ANO3: variants seen among roughly 807,000 people sequenced by gnomAD.
ANO3 encodes anoctamin-3.
Under a neutral mutation model 144.8 loss-of-function variants are expected in ANO3, and 99 were observed. The ratio of observed to expected loss-of-function variants is 0.68; its 90% CI spans 0.58 to 0.81. The LOEUF (loss-of-function observed/expected upper bound fraction) is 0.81, where lower values mean the gene tolerates loss of function less well. Ranked by LOEUF, ANO3 falls within the 30% of genes least tolerant of loss-of-function variation. The probability of loss-of-function intolerance (pLI) is 0.00; values close to 1 mark genes in which losing one functional copy is unlikely to be tolerated. For missense variants in ANO3, 905 were observed against 1,202.2 expected, an observed-to-expected ratio of 0.75 and a Z score of 3.66; for synonymous variants, 414 against 392.6, an observed-to-expected ratio of 1.05 and a Z score of -0.64.
At chr11:26,351,528 A>G (rs1286234521) in intron 1 of ANO3, among the ~76,000 whole-genome samples, 1 of 152,192 alleles carries the variant, frequency 6.6e-6, no homozygotes, top group Non-Finnish European at 1.5e-5. Flanking sequence ...CCTTGCTCCT[A>G]TAACTTAATT....
At position 26,397,350 on chromosome 11, in the gene ANO3, T is replaced by A. The variant is rs576812120; in HGVS notation, c.47-44568T>A. On this transcript the variant is annotated intron_variant, in intron 1 of 26. Coordinates refer to ENST00000256737, the MANE Select transcript of ANO3 (RefSeq NM_031418.4). The stretch of plus-strand genomic sequence containing the variant: ...AGGCTTTAGAAGTTTTCAACTGGTA[T>A]TATAATGTTTTATTTTTAGCTTGCT... Among the ~76,000 whole-genome samples, 4 of 152,220 alleles carry A rather than the reference T, an allele frequency of 2.6e-5. No individual in the cohort carries two copies. In the South Asian group the frequency reaches 8.3e-4, roughly 32 times the overall value.
intron 1 of ANO3, among the ~76,000 whole-genome samples, chr11:26,338,115 TAA>T (rs5790570): frequency 0.055 from 7,967 of 145,042 alleles, 531 homozygotes; most frequent in African/African-American, 0.16. Flanking sequence ...GAATGATAAT[TAA>T]AAAAAAAAAA....
At chr11:26,570,116 T>C (rs61877056) in intron 14 of ANO3, among the ~76,000 whole-genome samples, 4,810 of 152,224 alleles carry the variant, frequency 0.032, 110 homozygotes, top group Non-Finnish European at 0.051. Context: ...TTCTAAACTT[T>C]CCTGTATATA....
chr11:26,360,385 TAGAG>T lies in ANO3; in HGVS notation c.46+28066_46+28069del, dbSNP rs1220025105. Among the ~76,000 whole-genome samples, 26 of 152,188 alleles carry T rather than the reference TAGAG, an allele frequency of 1.7e-4. No individual in the cohort carries two copies. The South Asian group carries it at 2.3e-3, about 13-fold the overall frequency. Reference sequence around the variant, plus strand: ...TGTACTTCCCTGCAGCGTGATCAGATAGAGATTTTTAAAAATTCCCTTGCTAAGA... The same window carrying T: ...TGTACTTCCCTGCAGCGTGATCAGATATTTTTAAAAATTCCCTTGCTAAGA... On this transcript the variant is annotated intron_variant, in intron 1 of 26. Coordinates refer to ENST00000256737, the MANE Select transcript of ANO3 (RefSeq NM_031418.4).
chr11:26,534,580 T>C lies in ANO3; in HGVS notation c.976+18T>C. 1.3e-6 allele frequency: 2 copies of C among 1,536,684 alleles called. No individual in the cohort carries two copies. Among genetic ancestry groups the C allele is most frequent in the Non-Finnish European group, 1.8e-6 (2 of 1,111,236 alleles). On this transcript the variant is annotated intron_variant, in intron 9 of 26. Transcript: ENST00000256737. ...AAAAGTGGGTAAGAACATTAATTAA[T>C]AACAGAGTAGAACTTGCTGTTACTA...
chr11:26,202,323 C>T (rs561395722), intron 1 of ANO3, among the ~76,000 whole-genome samples: 4 of 143,050 alleles, frequency 2.8e-5, no homozygotes, highest in South Asian at 2.1e-4. Context: ...CATATAGATA[C>T]ATATGATATA....
At chr11:26,463,355 A>G (rs527725619) in intron 4 of ANO3, among the ~76,000 whole-genome samples, 2 of 152,026 alleles carry the variant, frequency 1.3e-5, no homozygotes, top group South Asian at 2.1e-4. Context: ...CTCAAACAGA[A>G]TGTTTAAAAT....
chr11:26,345,481 G>A (rs10834965), intron 1 of ANO3, among the ~76,000 whole-genome samples: 39,344 of 152,134 alleles, frequency 0.26, 6,185 homozygotes, highest in Admixed American at 0.41. Flanking sequence ...TGAATCCAGA[G>A]GCAGCAGTTG....
chr11:26,321,796 T>C (rs1590258857), intron 1 of ANO3, among the ~76,000 whole-genome samples: 2 of 152,132 alleles, frequency 1.3e-5, no homozygotes, highest in South Asian at 2.1e-4. Flanking sequence ...AATTCCTTAG[T>C]GGTCAGGAAT....
intron 1 of ANO3, among the ~76,000 whole-genome samples, chr11:26,194,688 C>T (rs536795406): frequency 1.3e-5 from 2 of 151,752 alleles, no homozygotes; most frequent in Admixed American, 6.6e-5. Context: ...TTAGTAGAAA[C>T]GAGGTTTCTC....
At chr11:26,225,952 C>A (rs1205519402) in intron 1 of ANO3, among the ~76,000 whole-genome samples, 1 of 152,078 alleles carries the variant, frequency 6.6e-6, no homozygotes, top group Non-Finnish European at 1.5e-5. Flanking sequence ...GTAGAAGCCA[C>A]TGAATGGTTT....
chr11:26,402,368 A>C (rs1468852681), intron 1 of ANO3, among the ~76,000 whole-genome samples: 1 of 151,780 alleles, frequency 6.6e-6, no homozygotes, highest in Non-Finnish European at 1.5e-5. Flanking sequence ...TGTGGTTTTG[A>C]TTTGCATTTC....
At chr11:26,279,940 T>A (rs1165749336) in intron 1 of ANO3, among the ~76,000 whole-genome samples, 1 of 152,224 alleles carries the variant, frequency 6.6e-6, no homozygotes, top group East Asian at 1.9e-4. Flanking sequence ...TGGATTAGTG[T>A]AAATCTTTGG....
chr11:26,425,380 C>T (rs537718284), intron 1 of ANO3, among the ~76,000 whole-genome samples: 30 of 152,058 alleles, frequency 2.0e-4, no homozygotes, highest in African/African-American at 7.0e-4. Flanking sequence ...GCTTGCACTT[C>T]GGTATCTCTG....
intron 4 of ANO3, among the ~76,000 whole-genome samples, chr11:26,481,969 T>C (rs1321180588): frequency 1.3e-5 from 2 of 152,132 alleles, no homozygotes; most frequent in Admixed American, 6.5e-5. Context: ...CATGGCTCAC[T>C]GCAGCCTCGA....
rs145676100 is a variant in ANO3, at chr11:26,223,947, T to C, written c.154+34617T>C. 3.6e-4 allele frequency among the ~76,000 whole-genome samples: 55 copies of C among 152,304 alleles called. No homozygotes were observed. The East Asian group carries it at 0.01, about 29-fold the overall frequency. ...TGACCAAAACACCTCTCACTAGGCT[T>C]ACCTCCAACATTGGAGGTCACATTT... On this transcript the variant is annotated intron_variant, in intron 1 of 27. Coordinates refer to the ANO3 transcript ENST00000672621.
chr11:26,372,767 C>A (rs1375588729), intron 1 of ANO3, among the ~76,000 whole-genome samples: 1 of 151,812 alleles, frequency 6.6e-6, no homozygotes, highest in African/African-American at 2.4e-5. Flanking sequence ...TGATTGGTGC[C>A]AAAGACATAA....
In ANO3 at chr11:26,495,761, C is replaced by CT. The variant is rs1344887773; in HGVS notation, c.433-12339dup. Among the ~76,000 whole-genome samples the CT allele has an allele frequency of 3.3e-5, 5 of 152,280 alleles. No homozygotes were observed. In the East Asian group the frequency reaches 9.7e-4, roughly 30 times the overall value. ...GTAAGGAACACAGCCTAGGGCTCAT[C>CT]TTTTCTGTGGAAGCCAATACATTTA... On this transcript the variant is annotated intron_variant, in intron 4 of 26. Coordinates refer to ENST00000256737, the MANE Select transcript of ANO3 (RefSeq NM_031418.4).
intron 8 of ANO3, 24 bp downstream of exon 8, chr11:26,531,360 C>T (rs763379798): frequency 1.3e-6 from 2 of 1,594,188 alleles, no homozygotes; most frequent in Non-Finnish European, 1.7e-6. Flanking sequence ...TTTTTTCATA[C>T]TGCCTACCTT....
Sources: allele counts gnomAD v4.1 joint callset (sites outside exome capture counted in the v4.1 genomes callset), GRCh38; gene constraint gnomAD v4.1.1; transcripts MANE v1.5; gene names NCBI Gene and HGNC (gene_info 2026-07-23, HGNC 2026-07-21).